Variants in CSMD1 observed in about 807,000 individuals in gnomAD.
The protein encoded by CSMD1 is CUB and Sushi multiple domains 1.
CSMD1 carries 213 observed loss-of-function variants against 417.5 expected under a neutral mutation model. The ratio of observed to expected loss-of-function variants is 0.51; its 90% CI spans 0.46 to 0.57. The LOEUF (loss-of-function observed/expected upper bound fraction) is 0.57. Among genes scored for constraint, CSMD1 ranks in the 20% least tolerant of loss-of-function variants. The pLI, the probability that CSMD1 is intolerant of heterozygous loss-of-function variation, is 0.00. For missense variants in CSMD1, 6,923 were observed against 4,529.7 expected (o/e 1.53, Z -15.17); for synonymous variants, 2,862 against 1,736.8 (o/e 1.65, Z -16.11).
chr8:4,583,624 G>T (rs1187971820), intron 2 of CSMD1, among the ~76,000 whole-genome samples: 1 of 152,158 alleles, frequency 6.6e-6, no homozygotes, highest in Non-Finnish European at 1.5e-5. Context: ...TGCTCTGGTG[G>T]GGCCTTGGAG....
chr8:2,972,415 G>C (rs980539257), intron 57 of CSMD1, among the ~76,000 whole-genome samples: 10 of 152,134 alleles, frequency 6.6e-5, no homozygotes, highest in African/African-American at 2.4e-4. Context: ...TGCTTGTAAA[G>C]AATTCCTAAC....
chr8:4,003,783 G>C (rs796129511), intron 4 of CSMD1, among the ~76,000 whole-genome samples: 9 of 152,244 alleles, frequency 5.9e-5, no homozygotes, highest in African/African-American at 2.2e-4. Flanking sequence ...ACTCAACTTA[G>C]GGTCTGATGT....
intron 1 of CSMD1, among the ~76,000 whole-genome samples, chr8:4,750,347 A>C (rs1024584778): frequency 8.5e-5 from 13 of 152,322 alleles, no homozygotes. Flanking sequence ...ACTGCTGAAC[A>C]GAAAATTGAG....
chr8:3,377,799 AC>A (rs1481904731), intron 18 of CSMD1, among the ~76,000 whole-genome samples: 1 of 152,024 alleles, frequency 6.6e-6, no homozygotes, highest in Non-Finnish European at 1.5e-5. Flanking sequence ...CTCAGTTACT[AC>A]CCCCTGGGAG....
chr8:3,290,982 A>G (rs922089977), intron 25 of CSMD1, among the ~76,000 whole-genome samples: 4 of 152,110 alleles, frequency 2.6e-5, no homozygotes, highest in Non-Finnish European at 5.9e-5. Flanking sequence ...AGCTCTTATT[A>G]TTTTGAGATA....
chr8:4,754,299 G>A (rs923763664), intron 1 of CSMD1, among the ~76,000 whole-genome samples: 5 of 152,166 alleles, frequency 3.3e-5, no homozygotes, highest in African/African-American at 1.2e-4. Flanking sequence ...ACTGTTACCC[G>A]GTAGAGAAAG....
chr8:3,906,421 T>A (rs116749660), intron 5 of CSMD1, among the ~76,000 whole-genome samples: 1 of 152,172 alleles, frequency 6.6e-6, no homozygotes, highest in African/African-American at 2.4e-5. Context: ...GAACATGATA[T>A]ATAGTAATGT....
intron 1 of CSMD1, among the ~76,000 whole-genome samples, chr8:4,653,598 A>T (rs527867850): frequency 6.6e-6 from 1 of 152,264 alleles, no homozygotes; most frequent in Non-Finnish European, 1.5e-5. Flanking sequence ...GCATTAAAAT[A>T]GTCCCAGATA....
chr8:4,022,898 A>G (rs978039297), intron 4 of CSMD1, among the ~76,000 whole-genome samples: 3 of 152,244 alleles, frequency 2.0e-5, no homozygotes, highest in Non-Finnish European at 2.9e-5. Flanking sequence ...TACATGGATT[A>G]TTGTGATGAA....
intron 1 of CSMD1, among the ~76,000 whole-genome samples, chr8:4,733,431 G>A (rs371338205): frequency 6.6e-6 from 1 of 152,178 alleles, no homozygotes; most frequent in Non-Finnish European, 1.5e-5. Context: ...CAGACATAGA[G>A]GGAAGGTAGG....
At chr8:4,859,920 A>G (rs1802025112) in intron 1 of CSMD1, among the ~76,000 whole-genome samples, 1 of 152,182 alleles carries the variant, frequency 6.6e-6, no homozygotes, top group Admixed American at 6.5e-5. Context: ...GTATATACCC[A>G]AAGGATTATA....
At chr8:4,577,972 C>G (rs1799213903) in intron 2 of CSMD1, among the ~76,000 whole-genome samples, 1 of 152,116 alleles carries the variant, frequency 6.6e-6, no homozygotes, top group Non-Finnish European at 1.5e-5. Flanking sequence ...GGTCTGGTTT[C>G]TATGTAAATT....
intron 12 of CSMD1, among the ~76,000 whole-genome samples, chr8:3,421,920 G>C (rs755250378): frequency 2.0e-5 from 3 of 151,618 alleles, no homozygotes; most frequent in East Asian, 1.9e-4. Context: ...TTACAGGCGT[G>C]AGCCACGGCG....
At chr8:4,567,921 G>T (rs1247680301) in intron 2 of CSMD1, among the ~76,000 whole-genome samples, 1 of 152,140 alleles carries the variant, frequency 6.6e-6, no homozygotes, top group Non-Finnish European at 1.5e-5. Flanking sequence ...TCAATGACCT[G>T]AAATTGCACT....
At chr8:3,766,598 C>T (rs887673199) in intron 5 of CSMD1, among the ~76,000 whole-genome samples, 4 of 151,874 alleles carry the variant, frequency 2.6e-5, no homozygotes, top group Non-Finnish European at 4.4e-5. Context: ...AAGGCAGTGT[C>T]GCCAAACACA....
chr8:3,892,387 T>G (rs1024044430), intron 5 of CSMD1, among the ~76,000 whole-genome samples: 1 of 152,050 alleles, frequency 6.6e-6, no homozygotes, highest in Non-Finnish European at 1.5e-5. Flanking sequence ...GTGTTATCCT[T>G]TACCTACACA....
intron 3 of CSMD1, among the ~76,000 whole-genome samples, chr8:4,327,066 A>G (rs182584340): frequency 2.3e-4 from 35 of 152,332 alleles, no homozygotes; most frequent in Middle Eastern, 3.4e-3. Context: ...ACGACTTCAA[A>G]TAAGAGATGA....
intron 7 of CSMD1, among the ~76,000 whole-genome samples, chr8:3,667,029 A>G (rs1392626384): frequency 6.6e-6 from 1 of 152,182 alleles, no homozygotes; most frequent in Non-Finnish European, 1.5e-5. Flanking sequence ...GCGCCAAGCT[A>G]GAAGTATGCT....
intron 29 of CSMD1, among the ~76,000 whole-genome samples, chr8:3,216,964 TAGGCTGGATGCAATGGCATCACTGCTTG>T (rs1338026325): frequency 2.6e-5 from 4 of 152,142 alleles, no homozygotes; most frequent in Non-Finnish European, 2.9e-5. Flanking sequence ...ATCACTGCCC[TAGGCTGGATGCAATGGCATCACTGCTTG>T]AGGCTGGATG....
Sources: gnomAD v4.1 joint callset for allele counts (sites outside exome capture counted in the v4.1 genomes callset) on GRCh38, gnomAD v4.1.1 for gene constraint, MANE v1.5 for transcripts, NCBI Gene and HGNC (gene_info 2026-07-23, HGNC 2026-07-21) for gene names.